Variants in PTCRA observed in about 807,000 individuals in gnomAD.
PTCRA encodes pre T-cell antigen receptor alpha.
A neutral mutation model predicts 13.4 loss-of-function variants in PTCRA; 9 were observed. That is an observed-to-expected ratio of 0.67 (90% confidence interval 0.41 to 1.18). The LOEUF is 1.18. PTCRA is among the 50% of genes most tolerant of loss of function. The pLI, the probability that PTCRA is intolerant of heterozygous loss-of-function variation, is 0.01. For synonymous variants in PTCRA, 153 were observed against 161.9 expected (o/e 0.94, Z 0.42); for missense variants, 353 against 359.8 (o/e 0.98, Z 0.15).
At chr6:42,922,399 A>T (rs1174322795) in intron 1 of PTCRA, 1 of 605,854 alleles carries the variant, frequency 1.7e-6, no homozygotes, top group African/African-American at 1.9e-5. Context: ...AGACAAGTGG[A>T]TGGAAGGAGA....
intron 1 of PTCRA, chr6:42,922,290 C>T (rs1581685285): frequency 1.4e-6 from 1 of 701,150 alleles, no homozygotes; most frequent in East Asian, 2.7e-5. Flanking sequence ...TACACATCTA[C>T]TGTCTTTCCC....
intron 1 of PTCRA, among the ~76,000 whole-genome samples, chr6:42,922,608 C>T (rs1328673352): frequency 1.3e-5 from 2 of 151,802 alleles, no homozygotes; most frequent in Admixed American, 6.6e-5. Context: ...GGCGCTGTGG[C>T]GGGCACCTGT....
chr6:42,919,604 C>A (rs1299042695), intron 1 of PTCRA, among the ~76,000 whole-genome samples: 1 of 149,738 alleles, frequency 6.7e-6, no homozygotes, highest in African/African-American at 2.5e-5. Flanking sequence ...GTAGTCCCTG[C>A]TACTGGGAAG....
chr6:42,921,412 CT>C (rs59029514), intron 1 of PTCRA, among the ~76,000 whole-genome samples: 4,104 of 85,632 alleles, frequency 0.048, 91 homozygotes, highest in East Asian at 0.086. Flanking sequence ...AACAAAGCTT[CT>C]TTTTTTTTTT....
At chr6:42,924,081 T>C (rs888913062) in intron 2 of PTCRA, 148 bp from the exon 3 acceptor site, 3 of 645,516 alleles carry the variant, frequency 4.6e-6, no homozygotes, top group Non-Finnish European at 8.1e-6. Flanking sequence ...GCAAATGGGC[T>C]CAGGGTTTCT....
intron 1 of PTCRA, among the ~76,000 whole-genome samples, chr6:42,916,961 G>T (rs903793081): frequency 3.3e-5 from 5 of 152,128 alleles, no homozygotes; most frequent in Non-Finnish European, 5.9e-5. Flanking sequence ...CTTCATGGAA[G>T]AAGTGGAAGC....
In PTCRA at chr6:42,922,904, A is replaced by AGATGGATGGTGGAAGGATG. The variant is rs1313141561; in HGVS notation, c.59-113_59-95dup. ...TGGATGAGTGGCTAGAAGGACATGTAGATGGATGGTGGAAGGATGGATGGA... is the reference window on the plus strand; with the variant it reads ...TGGATGAGTGGCTAGAAGGACATGTAGATGGATGGTGGAAGGATGGATGGATGGTGGAAGGATGGATGGA... On this transcript the variant is annotated intron_variant, in intron 1 of 3. Transcript: ENST00000304672. 9 of 885,230 alleles carry AGATGGATGGTGGAAGGATG rather than the reference A, an allele frequency of 1.0e-5. No individual in the cohort carries two copies. In the African/African-American group the frequency reaches 1.5e-4, roughly 15 times the overall value. 54.8% of individuals were successfully genotyped at this position (885,230 alleles called of 1,614,324 possible). A position where few individuals can be genotyped will look rare whatever the true frequency, so the allele number is the denominator to read the frequency against.
At position 42,925,504 on chromosome 6, in the gene PTCRA, C is replaced by T. The variant is rs1271396029; in HGVS notation, c.668C>T (p.Thr223Ile). The part of the protein sequence containing the change: ...PQPRDRRWGD[T>I]PPGRKPGSPV... ...CCTCGGGACCGCCGCTGGGGTGACACCCCTCCGGGTCGGAAGCCCGGGAGC... is the reference window on the plus strand; with the variant it reads ...CCTCGGGACCGCCGCTGGGGTGACATCCCTCCGGGTCGGAAGCCCGGGAGC... The change falls in exon 4 of 4, where the codon ACC becomes ATC. Residue 223 changes from threonine to isoleucine, a missense_variant. Transcript: ENST00000304672. This position sits in a 1 kb window ranked among gnomAD's most constrained non-coding sequence, Gnocchi z 4.4. The T allele has an allele frequency of 1.3e-6, 2 of 1,568,492 alleles. No homozygotes were observed. The highest frequency in any genetic ancestry group is 1.7e-6 in the Non-Finnish European group (2 of 1,155,702).
intron 2 of PTCRA, 44 bp downstream of exon 2, chr6:42,923,391 T>A (rs755458779): frequency 2.6e-6 from 4 of 1,566,396 alleles, no homozygotes; most frequent in Non-Finnish European, 3.5e-6. Flanking sequence ...CCTGTCCCCT[T>A]CCACACACCA....
intron 3 of PTCRA, 54 bp downstream of exon 3, chr6:42,924,327 G>T: frequency 6.5e-7 from 1 of 1,530,038 alleles, no homozygotes; most frequent in Non-Finnish European, 9.0e-7. Flanking sequence ...AGGACCTTGG[G>T]CCCGGGGGGT....
At chr6:42,919,716 C>CA (rs372468906) in intron 1 of PTCRA, among the ~76,000 whole-genome samples, 2,290 of 8,018 alleles carry the variant, frequency 0.29, 87 homozygotes, top group African/African-American at 0.44. Flanking sequence ...GACTCTGTCT[C>CA]AAAAAAAAAA....
intron 2 of PTCRA, 79 bp downstream of exon 2, chr6:42,923,426 C>T: frequency 7.2e-7 from 1 of 1,383,136 alleles, no homozygotes; most frequent in East Asian, 2.3e-5. Context: ...GGAGGGCAGG[C>T]TCCAGGCCAC....
At position 42,925,430 on chromosome 6, in the gene PTCRA, G is replaced by A. The variant is rs533516824; in HGVS notation, c.594G>A (p.Pro198=). ...CCCTCGGCTCCCATCGACTGCACCC[G>A]GCCACGGAGACTGGGGGACGAGAGG... is the stretch of plus-strand genomic sequence containing the variant. ...LRALGSHRLH[P]ATETGGREAT... The change falls in exon 4 of 4, where the codon CCG becomes CCA. Residue 198 remains proline (P), a synonymous_variant. Transcript: ENST00000304672. This position sits in a 1 kb window ranked among gnomAD's most constrained non-coding sequence, Gnocchi z 4.4. 8 of 1,555,372 alleles carry A rather than the reference G, an allele frequency of 5.1e-6. No homozygotes were observed. In the East Asian group the frequency reaches 7.3e-5, roughly 14 times the overall value.
In PTCRA at chr6:42,925,092, G is replaced by T. The variant is rs760161759; in HGVS notation, c.425-169G>T. On this transcript the variant is annotated intron_variant, in intron 3 of 3. Coordinates refer to ENST00000304672, the MANE Select transcript of PTCRA (RefSeq NM_138296.3). The surrounding 1 kb of genome is among the most constrained non-coding windows in gnomAD (Gnocchi z 4.4). ...ATAAAATAAAATGAAGGCCAGGAAGGTATGTATTATTACCAGTAAGAACGG... is the reference window on the plus strand; with the variant it reads ...ATAAAATAAAATGAAGGCCAGGAAGTTATGTATTATTACCAGTAAGAACGG... 42 of 840,218 alleles carry T rather than the reference G, an allele frequency of 5.0e-5. No homozygotes were observed. The highest frequency in any genetic ancestry group is 6.1e-5 in the Non-Finnish European group (34 of 557,450). 52.0% of individuals were successfully genotyped at this position (840,218 alleles called of 1,614,324 possible). A position where few individuals can be genotyped will look rare whatever the true frequency, so the allele number is the denominator to read the frequency against.
intron 1 of PTCRA, among the ~76,000 whole-genome samples, chr6:42,919,501 C>T (rs566833918): frequency 6.5e-4 from 98 of 151,370 alleles, no homozygotes; most frequent in Non-Finnish European, 1.2e-3. Context: ...ATCTCTTGAG[C>T]GCTGAAGTTC....
At position 42,921,235 on chromosome 6, in the gene PTCRA, G is replaced by T. The variant is rs1321816230; in HGVS notation, c.59-1792G>T. 4.6e-5 allele frequency among the ~76,000 whole-genome samples: 7 copies of T among 151,022 alleles called. No individual in the cohort carries two copies. In the Admixed American group the frequency reaches 4.6e-4, roughly 10 times the overall value. ...CCTGCTTCAAGCCTCCTGAGTAGCT[G>T]GGACTACGGGTATGCACCACCACGC... On this transcript the variant is annotated intron_variant, in intron 1 of 3. Coordinates refer to ENST00000304672, the MANE Select transcript of PTCRA (RefSeq NM_138296.3).
At chr6:42,922,892 A>G in intron 1 of PTCRA, 135 bp from the exon 2 acceptor site, 1 of 786,980 alleles carries the variant, frequency 1.3e-6, no homozygotes, top group Non-Finnish European at 2.1e-6. Flanking sequence ...ATGAGTGGCT[A>G]GAAGGACATG....
intron 1 of PTCRA, among the ~76,000 whole-genome samples, chr6:42,921,638 G>A (rs1406077737): frequency 3.4e-5 from 5 of 145,364 alleles, no homozygotes; most frequent in Non-Finnish European, 6.0e-5. Context: ...GGATAGTCTC[G>A]ATCTCCTGAC....
At position 42,925,115 on chromosome 6, in the gene PTCRA, C is replaced by A; in HGVS notation, c.425-146C>A. On this transcript the variant is annotated intron_variant, in intron 3 of 3. Transcript: ENST00000304672. This position sits in a 1 kb window ranked among gnomAD's most constrained non-coding sequence, Gnocchi z 4.4. ...AGGTATGTATTATTACCAGTAAGAA[C>A]GGAGGCTAGACACCGGGAAGGACTT... 1 of 1,038,626 alleles carries A rather than the reference C, an allele frequency of 9.6e-7. No homozygotes were observed. The highest frequency in any genetic ancestry group is 1.4e-6 in the Non-Finnish European group (1 of 734,694). 64.3% of individuals were successfully genotyped at this position (1,038,626 alleles called of 1,614,324 possible).
Sources: allele counts gnomAD v4.1 joint callset (sites outside exome capture counted in the v4.1 genomes callset), GRCh38; gene constraint gnomAD v4.1.1; non-coding constraint Gnocchi (gnomAD v3.1); transcripts MANE v1.5; gene names NCBI Gene and HGNC (gene_info 2026-07-23, HGNC 2026-07-21).